Variants in SNTG1 observed in about 807,000 individuals in gnomAD.
SNTG1 encodes gamma-1-syntrophin.
In SNTG1, 39 loss-of-function variants were observed where a neutral mutation model predicts 74.7. The ratio of observed to expected loss-of-function variants is 0.52; its 90% CI spans 0.40 to 0.68. The LOEUF is 0.68. Among genes scored for constraint, SNTG1 ranks in the 30% least tolerant of loss-of-function variants. The pLI is 0.00. For synonymous variants in SNTG1, 254 were observed against 217.1 expected, an observed-to-expected ratio of 1.17 and a Z score of -1.49; for missense variants, 685 against 609.5, an observed-to-expected ratio of 1.12 and a Z score of -1.30.
chr8:50,381,760 T>C (rs1310960549), intron 2 of SNTG1: 2 of 137,348 alleles, frequency 1.5e-5, no homozygotes, highest in Non-Finnish European at 3.2e-5. Context: ...GATATATATA[T>C]CCTATTAGTT....
chr8:50,749,992 T>A (rs2095563650), intron 17 of SNTG1, among the ~76,000 whole-genome samples: 1 of 152,034 alleles, frequency 6.6e-6, no homozygotes, highest in Non-Finnish European at 1.5e-5. Flanking sequence ...ATAACATAGA[T>A]AAAGTGATTC....
chr8:50,364,695 C>T (rs1211454015), intron 2 of SNTG1, among the ~76,000 whole-genome samples: 1 of 151,876 alleles, frequency 6.6e-6, no homozygotes, highest in Non-Finnish European at 1.5e-5. Context: ...ATACCTCCAT[C>T]TGCTTTCCTA....
At chr8:50,495,879 C>A (rs1380508568) in intron 8 of SNTG1, among the ~76,000 whole-genome samples, 1 of 152,090 alleles carries the variant, frequency 6.6e-6, no homozygotes, top group Non-Finnish European at 1.5e-5. Context: ...AGGAGGACTC[C>A]CTAACACTGG....
intron 1 of SNTG1, among the ~76,000 whole-genome samples, chr8:50,138,774 T>C (rs2131451268): frequency 6.6e-6 from 1 of 151,988 alleles, no homozygotes; most frequent in East Asian, 1.9e-4. Context: ...AATAAAATAG[T>C]TATCTATTTT....
At chr8:50,574,643 A>G (rs573781419) in intron 12 of SNTG1, among the ~76,000 whole-genome samples, 3 of 152,312 alleles carry the variant, frequency 2.0e-5, no homozygotes, top group South Asian at 2.1e-4. Context: ...TCCTCAGAAC[A>G]GTAATCATAT....
intron 13 of SNTG1, among the ~76,000 whole-genome samples, chr8:50,604,049 C>G (rs758164498): frequency 1.3e-5 from 2 of 152,178 alleles, no homozygotes; most frequent in African/African-American, 4.8e-5. Context: ...ATGTCTTGTA[C>G]TTCAGGGCAG....
chr8:50,690,944 C>A (rs2131444616), intron 15 of SNTG1, among the ~76,000 whole-genome samples: 1 of 152,256 alleles, frequency 6.6e-6, no homozygotes, highest in African/African-American at 2.4e-5. Flanking sequence ...GTATTGGGTG[C>A]ATATATATTT....
rs531412727 is a variant in SNTG1, at chr8:50,145,976, A to T, written c.-102-26585A>T. Among the ~76,000 whole-genome samples, 1,214 of 151,956 alleles carry T rather than the reference A, an allele frequency of 8.0e-3. 16 individuals carry two copies. The highest frequency in any genetic ancestry group is 0.028 in the African/African-American group (1,166 of 41,514). On this transcript the variant is annotated intron_variant, in intron 1 of 18. Transcript: ENST00000642720. ...GAACTTAAAGTATAATAATAATAAAAAAAAAAAGAATGTTAGGTGGAAACT... is the reference window on the plus strand; with the variant it reads ...GAACTTAAAGTATAATAATAATAAATAAAAAAAGAATGTTAGGTGGAAACT...
intron 3 of SNTG1, among the ~76,000 whole-genome samples, chr8:50,399,980 C>T (rs2092780994): frequency 6.6e-6 from 1 of 152,080 alleles, no homozygotes; most frequent in Admixed American, 6.6e-5. Flanking sequence ...ATACCTTTTA[C>T]AAAATAATTC....
At chr8:49,988,374 G>A (rs1264080241) in intron 1 of SNTG1, among the ~76,000 whole-genome samples, 1 of 152,166 alleles carries the variant, frequency 6.6e-6, no homozygotes, top group African/African-American at 2.4e-5. Flanking sequence ...TTATCAATAT[G>A]TTAGAAGAAT....
intron 9 of SNTG1, among the ~76,000 whole-genome samples, chr8:50,509,755 C>T (rs554880685): frequency 7.5e-4 from 114 of 151,940 alleles, no homozygotes; most frequent in Non-Finnish European, 1.3e-3. Flanking sequence ...GTGAGTTTTG[C>T]ACATTGATTT....
chr8:50,158,901 G>A (rs185178595), intron 1 of SNTG1, among the ~76,000 whole-genome samples: 1 of 152,208 alleles, frequency 6.6e-6, no homozygotes, highest in Admixed American at 6.5e-5. Flanking sequence ...AATAATACTA[G>A]ACTATTTTCC....
intron 2 of SNTG1, among the ~76,000 whole-genome samples, chr8:50,280,929 G>C (rs2088405845): frequency 6.7e-6 from 1 of 148,904 alleles, no homozygotes; most frequent in South Asian, 2.1e-4. Context: ...CGAGGCGGGT[G>C]GATCATGAGG....
intron 13 of SNTG1, among the ~76,000 whole-genome samples, chr8:50,619,657 G>T (rs2094908106): frequency 6.6e-6 from 1 of 151,674 alleles, no homozygotes; most frequent in Non-Finnish European, 1.5e-5. Flanking sequence ...CATGAACCCG[G>T]GAGGCGGAGG....
intron 1 of SNTG1, among the ~76,000 whole-genome samples, chr8:49,958,611 A>G (rs772162534): frequency 9.9e-5 from 15 of 152,064 alleles, no homozygotes; most frequent in South Asian, 2.1e-4. Context: ...AGTAGAGACA[A>G]GGTTTCACCA....
rs151282151 is a variant in SNTG1, at chr8:50,291,602, GA to G, written c.-27-102608del. ...CTTTCTAGGATGTACTAGGGATTTG[GA>G]ATTTTATTGTTTGTATGATAGAGAA... On this transcript the variant is annotated intron_variant, in intron 2 of 18. Transcript: ENST00000642720. 6.9e-3 allele frequency among the ~76,000 whole-genome samples: 1,051 copies of G among 152,218 alleles called. 2 individuals are homozygous for G. Among genetic ancestry groups the G allele is most frequent in the Middle Eastern group, 0.031 (9 of 294 alleles).
intron 8 of SNTG1, among the ~76,000 whole-genome samples, chr8:50,454,667 C>T (rs144180991): frequency 0.025 from 3,743 of 151,206 alleles, 61 homozygotes; most frequent in South Asian, 0.072. Flanking sequence ...CATGGTGAAA[C>T]CCTATCTCTA....
intron 8 of SNTG1, among the ~76,000 whole-genome samples, chr8:50,458,868 T>A (rs1290341535): frequency 6.6e-6 from 1 of 152,182 alleles, no homozygotes; most frequent in African/African-American, 2.4e-5. Flanking sequence ...TGTGGCTTAG[T>A]CTCTTCAATT....
intron 1 of SNTG1, among the ~76,000 whole-genome samples, chr8:49,947,797 A>G (rs148082522): frequency 1.5e-3 from 228 of 152,286 alleles, no homozygotes; most frequent in Non-Finnish European, 2.4e-3. Context: ...TCATCCAAAA[A>G]ATATGTTTTG....
Sources: gnomAD v4.1 joint callset for allele counts (sites outside exome capture counted in the v4.1 genomes callset) on GRCh38, gnomAD v4.1.1 for gene constraint, MANE v1.5 for transcripts, NCBI Gene and HGNC (gene_info 2026-07-23, HGNC 2026-07-21) for gene names.